The following ZFYVE21 variants were observed in gnomAD, a reference collection of about 807,000 sequenced individuals.
The protein encoded by ZFYVE21 is zinc finger FYVE domain-containing protein 21.
Under a neutral mutation model 29.5 loss-of-function variants are expected in ZFYVE21, and 21 were observed. That is an observed-to-expected ratio of 0.71 (90% CI 0.50 to 1.02). The LOEUF is 1.02. Among genes scored for constraint, ZFYVE21 ranks in the 50% least tolerant of loss-of-function variants. The pLI is 0.00. For synonymous variants in ZFYVE21, 151 were observed against 133.8 expected (o/e 1.13, Z -0.89); for missense variants, 326 against 335.4 (o/e 0.97, Z 0.22).
chr14:103,732,465 G>T, intron 5 of ZFYVE21, 155 bp from the exon 6 acceptor site: 1 of 853,088 alleles, frequency 1.2e-6, no homozygotes, highest in Non-Finnish European at 1.7e-6. Flanking sequence ...TGAGGAGATG[G>T]TGTTCCCTGG....
intron 2 of ZFYVE21, 93 bp downstream of exon 2, chr14:103,726,935 C>T: frequency 9.7e-7 from 1 of 1,026,448 alleles, no homozygotes. Context: ...GGACGGATGT[C>T]ATCTTATGGC....
intron 5 of ZFYVE21, chr14:103,730,061 G>C: frequency 5.0e-6 from 3 of 599,102 alleles, no homozygotes; most frequent in Non-Finnish European, 8.6e-6. Flanking sequence ...TCTCAGTTCT[G>C]TCTCAGCGGG....
In ZFYVE21 at chr14:103,716,074, CTCCGGGCGGCCCCT is replaced by C; in HGVS notation, c.138+99_138+112del. On this transcript the variant is annotated intron_variant, in intron 1 of 6. Transcript: ENST00000311141. The surrounding 1 kb of genome is among the most constrained non-coding windows in gnomAD (Gnocchi z 4.8). ...CAGGCTCCCGCGACGACCCCTCCGC[CTCCGGGCGGCCCCT>C]TCCCCAGCCGGCCCCCGCCCCCGCT... 2.7e-6 allele frequency: 3 copies of C among 1,119,214 alleles called. No individual in the cohort carries two copies. The highest frequency in any genetic ancestry group is 3.3e-6 in the Non-Finnish European group (3 of 908,542). The allele number at this position is 1,119,214 out of a possible 1,614,324, so 69.3% of individuals were successfully genotyped here.
rs757123175 is a variant in ZFYVE21, at chr14:103,728,973, A to G, written c.424A>G (p.Asn142Asp). 4 of 1,613,994 alleles carry G rather than the reference A, an allele frequency of 2.5e-6. No homozygotes were observed. Among genetic ancestry groups the G allele is most frequent in the Non-Finnish European group, 3.4e-6 (4 of 1,180,002 alleles). The change falls in exon 4 of 7, where the codon AAT (asparagine) becomes GAT (aspartate). Residue 142 changes from asparagine to aspartate, a missense_variant. By Grantham distance (23) the Asn-to-Asp change is conservative (BLOSUM62 1). Coordinates refer to ENST00000311141, the MANE Select transcript of ZFYVE21 (RefSeq NM_024071.4). ...KPETMTCRLS[N>D]NQRYLFLDGD... ...TGAAACTATGACTTGTCGTCTTTCCAATAACCAGAGGTAAGAGCCGGATCC... is the reference window on the plus strand; with the variant it reads ...TGAAACTATGACTTGTCGTCTTTCCGATAACCAGAGGTAAGAGCCGGATCC...
chr14:103,721,379 C>T (rs1470453583), intron 1 of ZFYVE21, among the ~76,000 whole-genome samples: 8 of 152,208 alleles, frequency 5.3e-5, no homozygotes, highest in African/African-American at 9.7e-5. Flanking sequence ...CTCTTGGCCC[C>T]GCTTCCCTTG....
At chr14:103,728,538 G>A (rs1273459409) in intron 3 of ZFYVE21, among the ~76,000 whole-genome samples, 1 of 152,170 alleles carries the variant, frequency 6.6e-6, no homozygotes, top group East Asian at 1.9e-4. Context: ...GGGCTTTGTT[G>A]TGCCTCCTTT....
At chr14:103,726,250 T>C (rs2083923047) in intron 1 of ZFYVE21, 1 of 152,584 alleles carries the variant, frequency 6.6e-6, no homozygotes, top group African/African-American at 2.4e-5. Flanking sequence ...ATAAGCTTTA[T>C]GTCTCAGATA....
intron 1 of ZFYVE21, among the ~76,000 whole-genome samples, chr14:103,723,557 T>C (rs551793345): frequency 6.6e-6 from 1 of 152,264 alleles, no homozygotes; most frequent in East Asian, 1.9e-4. Context: ...CCTGCCTGAG[T>C]TGGGGCAGTG....
In ZFYVE21 at chr14:103,716,467, C is replaced by G. The variant is rs978359096; in HGVS notation, c.138+488C>G. Among the ~76,000 whole-genome samples the G allele has an allele frequency of 3.3e-5, 5 of 152,264 alleles. No homozygotes were observed. The East Asian group carries it at 9.7e-4, about 29-fold the overall frequency. ...CCCCGCAGGGGTCCCTCCCGGGAAC[C>G]GGGGGAGGCGTCGGTGCCGCGGGCG... On this transcript the variant is annotated intron_variant, in intron 1 of 6. Coordinates refer to ENST00000311141, the MANE Select transcript of ZFYVE21 (RefSeq NM_024071.4). The surrounding 1 kb of genome is among the most constrained non-coding windows in gnomAD (Gnocchi z 4.8).
chr14:103,729,078 T>C lies in ZFYVE21; in HGVS notation c.435-13T>C, dbSNP rs7146691. On this transcript the variant is annotated splice_polypyrimidine_tract_variant and intron_variant, in intron 4 of 6. Transcript: ENST00000311141. ...TGAGAATGACCCGATTTGGACACTT[T>C]TATTTGATGTAGATACTTGTTTCTG... is the stretch of plus-strand genomic sequence containing the variant. 8.0e-3 allele frequency: 12,864 copies of C among 1,613,936 alleles called. 318 individuals are homozygous for C. In the African/African-American group the frequency reaches 0.083, roughly 10 times the overall value.
In ZFYVE21 at chr14:103,716,769, T is replaced by C. The variant is rs2083822618; in HGVS notation, c.138+790T>C. Among the ~76,000 whole-genome samples, 1 of 152,150 alleles carries C rather than the reference T, an allele frequency of 6.6e-6. No individual in the cohort carries two copies. The highest frequency in any genetic ancestry group is 2.1e-4 in the South Asian group (1 of 4,826). ...CCGCTGGGCCTCCCGTGGGGTTCCC[T>C]GTGACCTGATCGGAGGTGCCTTTGC... is the stretch of plus-strand genomic sequence containing the variant. On this transcript the variant is annotated intron_variant, in intron 1 of 6. Coordinates refer to ENST00000311141, the MANE Select transcript of ZFYVE21 (RefSeq NM_024071.4). The surrounding 1 kb of genome is among the most constrained non-coding windows in gnomAD (Gnocchi z 4.8).
At chr14:103,729,255 C>G (rs1348855013) in intron 5 of ZFYVE21, 73 bp downstream of exon 5, 1 of 1,520,242 alleles carries the variant, frequency 6.6e-7, no homozygotes, top group Non-Finnish European at 9.1e-7. Flanking sequence ...GGAGCATGCA[C>G]TTTTGGGATC....
intron 3 of ZFYVE21, among the ~76,000 whole-genome samples, chr14:103,728,253 G>A (rs2083946799): frequency 6.6e-6 from 1 of 152,232 alleles, no homozygotes; most frequent in Non-Finnish European, 1.5e-5. Context: ...TCCTCGGAGG[G>A]GCCGGAGACC....
intron 1 of ZFYVE21, among the ~76,000 whole-genome samples, chr14:103,717,297 C>G (rs1248784123): frequency 1.3e-5 from 2 of 152,202 alleles, no homozygotes; most frequent in Admixed American, 1.3e-4. Context: ...TTAAAATTTA[C>G]TTTTAAGTTG....
intron 3 of ZFYVE21, 32 bp downstream of exon 3, chr14:103,727,946 G>C: frequency 6.4e-7 from 1 of 1,570,222 alleles, no homozygotes; most frequent in Non-Finnish European, 8.7e-7. Flanking sequence ...AGTCCCGCGC[G>C]CTCCGCCAGC....
intron 3 of ZFYVE21, 128 bp downstream of exon 3, chr14:103,728,042 C>T (rs571417835): frequency 6.8e-6 from 7 of 1,029,422 alleles, no homozygotes; most frequent in East Asian, 2.7e-5. Context: ...CTCCCTTCCC[C>T]GTTTTCTTCT....
intron 3 of ZFYVE21, chr14:103,728,656 G>T: frequency 2.1e-6 from 1 of 475,226 alleles, no homozygotes; most frequent in Non-Finnish European, 3.8e-6. Context: ...TTTGAAGGAT[G>T]TAAAAGAATT....
At chr14:103,729,045 A>G (rs1488310644) in intron 4 of ZFYVE21, 46 bp from the exon 5 acceptor site, 12 of 1,613,686 alleles carry the variant, frequency 7.4e-6, no homozygotes, top group Non-Finnish European at 6.8e-6. Flanking sequence ...CCTCGGTGGC[A>G]CTGAGCCTGA....
In ZFYVE21 at chr14:103,715,985, T is replaced by G; in HGVS notation, c.138+6T>G. ...AGTGGGTCCCGGACAAGGAGGTGGG[T>G]GGCCGTCGCCCCGGCCAGCGCCTCC... On this transcript the variant is annotated splice_donor_region_variant and intron_variant, in intron 1 of 6. Coordinates refer to ENST00000311141, the MANE Select transcript of ZFYVE21 (RefSeq NM_024071.4). 7.8e-7 allele frequency: 1 copy of G among 1,278,146 alleles called. No individual in the cohort carries two copies. The highest frequency in any genetic ancestry group is 1.0e-6 in the Non-Finnish European group (1 of 1,000,718). 79.2% of individuals were successfully genotyped at this position (1,278,146 alleles called of 1,614,324 possible).
Sources: gnomAD v4.1 joint callset for allele counts (sites outside exome capture counted in the v4.1 genomes callset) on GRCh38, gnomAD v4.1.1 for gene constraint, Gnocchi (gnomAD v3.1) non-coding constraint, MANE v1.5 for transcripts, NCBI Gene and HGNC (gene_info 2026-07-23, HGNC 2026-07-21) for gene names.